Variants in TBC1D14 observed in about 807,000 individuals in gnomAD.
TBC1D14 encodes the protein TBC1 domain family, member 14.
TBC1D14 carries 26 observed loss-of-function variants against 79.0 expected under a neutral mutation model. That is an observed-to-expected ratio of 0.33 (90% CI 0.24 to 0.46). The LOEUF (loss-of-function observed/expected upper bound fraction) is 0.46, where lower values mean the gene tolerates loss of function less well. TBC1D14 is among the 20% of genes least tolerant of loss of function. The probability of loss-of-function intolerance (pLI) is 1.00; values close to 1 mark genes in which losing one functional copy is unlikely to be tolerated. For missense variants in TBC1D14, 769 were observed against 887.6 expected, an observed-to-expected ratio of 0.87 and a Z score of 1.70; for synonymous variants, 394 against 349.9, an observed-to-expected ratio of 1.13 and a Z score of -1.40.
At chr4:6,932,901 C>T (rs1237054004) in intron 2 of TBC1D14, among the ~76,000 whole-genome samples, 1 of 152,114 alleles carries the variant, frequency 6.6e-6, no homozygotes, top group Non-Finnish European at 1.5e-5. Flanking sequence ...CTGGGTTCCC[C>T]TCGGGCACTT....
chr4:6,925,457 G>A (rs1033653005), intron 2 of TBC1D14, among the ~76,000 whole-genome samples: 2 of 152,036 alleles, frequency 1.3e-5, no homozygotes, highest in Admixed American at 1.3e-4. Flanking sequence ...GTGGTGTGCC[G>A]GCTGGAGTCA....
chr4:6,971,288 A>G (rs1716206260), intron 3 of TBC1D14, among the ~76,000 whole-genome samples: 1 of 152,180 alleles, frequency 6.6e-6, no homozygotes, highest in Admixed American at 6.5e-5. Flanking sequence ...CATGTGGTGT[A>G]TTTTTGCCCA....
chr4:7,010,103 C>G (rs1026113931), intron 10 of TBC1D14, among the ~76,000 whole-genome samples, 155 bp downstream of exon 10: 5 of 152,204 alleles, frequency 3.3e-5, no homozygotes, highest in Non-Finnish European at 7.3e-5. Context: ...TGAGTTGACT[C>G]AGGTTCCTCT....
At chr4:6,916,643 T>A (rs1723423202) in intron 1 of TBC1D14, among the ~76,000 whole-genome samples, 1 of 152,212 alleles carries the variant, frequency 6.6e-6, no homozygotes, top group African/African-American at 2.4e-5. Context: ...GACAGTTGAT[T>A]GAATCCCTCG....
At chr4:6,973,853 TCA>T (rs1386554211) in intron 3 of TBC1D14, among the ~76,000 whole-genome samples, 1 of 152,150 alleles carries the variant, frequency 6.6e-6, no homozygotes, top group Non-Finnish European at 1.5e-5. Flanking sequence ...AGACAGAGTC[TCA>T]CTCTGTCACC....
chr4:6,942,528 G>C (rs189240177), intron 2 of TBC1D14, among the ~76,000 whole-genome samples: 1 of 152,334 alleles, frequency 6.6e-6, no homozygotes, highest in African/African-American at 2.4e-5. Flanking sequence ...CTTGCCTCTA[G>C]CAAGAGGCTT....
chr4:6,931,180 T>A (rs1164716575), intron 2 of TBC1D14, among the ~76,000 whole-genome samples: 2 of 152,214 alleles, frequency 1.3e-5, no homozygotes, highest in African/African-American at 4.8e-5. Flanking sequence ...ATTACAGGCG[T>A]GAGCCACCAC....
intron 1 of TBC1D14, among the ~76,000 whole-genome samples, chr4:6,922,263 C>T (rs1723929310): frequency 6.6e-6 from 1 of 151,990 alleles, no homozygotes; most frequent in Admixed American, 6.6e-5. Flanking sequence ...GTTACGTTGC[C>T]CACGCCGCAC....
chr4:6,973,680 C>G (rs1222360509), intron 3 of TBC1D14, among the ~76,000 whole-genome samples: 1 of 152,066 alleles, frequency 6.6e-6, no homozygotes, highest in Non-Finnish European at 1.5e-5. Context: ...ATTTCTCAGC[C>G]TGAACTCAGG....
chr4:6,994,102 T>A, intron 3 of TBC1D14, 82 bp from the exon 4 acceptor site: 2 of 1,255,974 alleles, frequency 1.6e-6, no homozygotes, highest in Non-Finnish European at 1.2e-6. Context: ...AAGAGTTTCA[T>A]GACAAAACAA....
chr4:6,968,042 G>A (rs1198407366), intron 3 of TBC1D14, among the ~76,000 whole-genome samples: 2 of 152,188 alleles, frequency 1.3e-5, no homozygotes, highest in African/African-American at 2.4e-5. Context: ...AGCTGTGACC[G>A]TCGCTGCCTG....
rs913359887 is a variant in TBC1D14 at position 7,032,145 on chromosome 4, G to A, written c.*1753G>A. 4 of 152,458 alleles carry A rather than the reference G, an allele frequency of 2.6e-5. No homozygotes were observed. Among genetic ancestry groups the A allele is most frequent in the African/African-American group, 7.3e-5 (3 of 41,366 alleles). The allele number at this position is 152,458 out of a possible 1,614,324, so 9.4% of individuals were successfully genotyped here. A position where few individuals can be genotyped will look rare whatever the true frequency, so the allele number is the denominator to read the frequency against. On this transcript the variant is annotated 3_prime_UTR_variant, in exon 14 of 14. Coordinates refer to ENST00000409757, the MANE Select transcript of TBC1D14 (RefSeq NM_020773.3). ...TGACTCACCTCCTCTCGGAGGAGGC[G>A]TCCTGTCTTCACGGGGGGGTCCCGG...
In TBC1D14 at chr4:6,958,923, G is replaced by A. The variant is rs999541033; in HGVS notation, c.723-8381G>A. Among the ~76,000 whole-genome samples, 7 of 149,678 alleles carry A rather than the reference G, an allele frequency of 4.7e-5. No homozygotes were observed. In the East Asian group the frequency reaches 1.0e-3, roughly 21 times the overall value. On this transcript the variant is annotated intron_variant, in intron 2 of 13. Transcript: ENST00000409757. ...TTTTGAGACGGAGTCTCGCTCTGTC[G>A]CCCAGGCTGGAGTGCAGTGGTGGGA...
At chr4:6,938,917 T>C (rs956168348) in intron 2 of TBC1D14, among the ~76,000 whole-genome samples, 1 of 152,204 alleles carries the variant, frequency 6.6e-6, no homozygotes, top group Non-Finnish European at 1.5e-5. Context: ...CCGTCCCGGC[T>C]GCAGGAGTGG....
At chr4:7,019,004 C>T (rs1721550327) in intron 12 of TBC1D14, among the ~76,000 whole-genome samples, 1 of 152,090 alleles carries the variant, frequency 6.6e-6, no homozygotes. Flanking sequence ...GCTGTCATTG[C>T]CTGGAGTTTC....
intron 12 of TBC1D14, among the ~76,000 whole-genome samples, chr4:7,021,709 AAAAT>A (rs1220230126): frequency 1.3e-5 from 2 of 152,368 alleles, no homozygotes; most frequent in Admixed American, 1.3e-4. Context: ...TACTTTTAAA[AAAAT>A]ACCATTTTTG....
intron 12 of TBC1D14, among the ~76,000 whole-genome samples, chr4:7,024,089 A>AC (rs1480332327): frequency 5.3e-5 from 8 of 152,072 alleles, no homozygotes; most frequent in Non-Finnish European, 7.4e-5. Context: ...CTAACGGAGC[A>AC]CCCCCCGGCC....
intron 3 of TBC1D14, among the ~76,000 whole-genome samples, chr4:6,967,923 G>A (rs1301252155): frequency 6.6e-6 from 1 of 152,186 alleles, no homozygotes; most frequent in Non-Finnish European, 1.5e-5. Flanking sequence ...TGGGGTTCAT[G>A]CCAGGCCTGC....
At chr4:6,996,253 T>C in intron 4 of TBC1D14, 72 bp from the exon 5 acceptor site, 1 of 1,246,212 alleles carries the variant, frequency 8.0e-7, no homozygotes, top group Non-Finnish European at 1.2e-6. Context: ...TAGGAAATTA[T>C]GCTTCAGGTT....
Sources: allele counts gnomAD v4.1 joint callset (sites outside exome capture counted in the v4.1 genomes callset), GRCh38; gene constraint gnomAD v4.1.1; transcripts MANE v1.5; gene names NCBI Gene and HGNC (gene_info 2026-07-23, HGNC 2026-07-21).